FBXO30: variants seen among roughly 807,000 people sequenced by gnomAD.
FBXO30 encodes F-box protein 30.
In FBXO30, 21 loss-of-function variants were observed where a neutral mutation model predicts 58.1. The observed-to-expected ratio is 0.36, with a 90% CI of 0.26 to 0.52. The LOEUF (loss-of-function observed/expected upper bound fraction) is 0.52. Among genes scored for constraint, FBXO30 ranks in the 20% least tolerant of loss-of-function variants. The pLI is 0.93. For missense variants in FBXO30, 744 were observed against 897.3 expected (o/e 0.83, Z 2.18); for synonymous variants, 309 against 312.4 (o/e 0.99, Z 0.11).
intron 1 of FBXO30, among the ~76,000 whole-genome samples, chr6:145,809,274 A>C (rs928678586): frequency 4.6e-5 from 7 of 152,358 alleles, no homozygotes; most frequent in Non-Finnish European, 1.0e-4. Context: ...TTACTGAGTG[A>C]TTAGACTGTG....
At chr6:145,812,712 C>G (rs1778365667) in intron 1 of FBXO30, among the ~76,000 whole-genome samples, 1 of 152,088 alleles carries the variant, frequency 6.6e-6, no homozygotes, top group Admixed American at 6.6e-5. Context: ...ATATGAAGAA[C>G]TACCTAGTAA....
chr6:145,813,757 A>C (rs1359889173), intron 1 of FBXO30, among the ~76,000 whole-genome samples: 1 of 152,236 alleles, frequency 6.6e-6, no homozygotes, highest in African/African-American at 2.4e-5. Context: ...GATCAGAGTC[A>C]ACGAAGTAAT....
Position 145,800,189 on chromosome 6 carries a change from T to C in FBXO30, c.2155A>G (p.Ile719Val), listed in dbSNP as rs369169727. The C allele has an allele frequency of 3.0e-5, 48 of 1,613,026 alleles. No individual in the cohort carries two copies. Among genetic ancestry groups the C allele is most frequent in the Non-Finnish European group, 4.0e-5 (47 of 1,179,350 alleles). Residue 719 changes from isoleucine (I) to valine (V), a missense_variant, in exon 3 of 3, where the codon ATC becomes GTC. By Grantham distance (29) the Ile-to-Val change is conservative (BLOSUM62 3). Transcript: ENST00000237281. The part of the protein sequence containing the change: ...YNVVEKREEA[I>V]PLPCMCVTRE... ...GTCACACACATACATGGCAAAGGGA[T>C]TGCTTCCTCCCGTTTCTCGACAACA...
Position 145,800,015 on chromosome 6 carries a change from G to C in FBXO30, c.*91C>G. 1 of 902,060 alleles carries C rather than the reference G, an allele frequency of 1.1e-6. No homozygotes were observed. Among genetic ancestry groups the C allele is most frequent in the South Asian group, 1.6e-5 (1 of 61,234 alleles). 55.9% of individuals were successfully genotyped at this position (902,060 alleles called of 1,614,324 possible). A position where few individuals can be genotyped will look rare whatever the true frequency, so the allele number is the denominator to read the frequency against. On this transcript the variant is annotated 3_prime_UTR_variant, in exon 3 of 3. Transcript: ENST00000237281. Reference sequence around the variant, plus strand: ...TACACAGTGACAATAAATTTAGCTAGTTGTAATATTTAATACATTAATAAA... The same window carrying C: ...TACACAGTGACAATAAATTTAGCTACTTGTAATATTTAATACATTAATAAA...
chr6:145,814,361 G>T, intron 1 of FBXO30, among the ~76,000 whole-genome samples: 1 of 152,152 alleles, frequency 6.6e-6, no homozygotes. Flanking sequence ...GGCCCGGCAT[G>T]CGGCCCGGCG....
rs754447064 is a variant in FBXO30, at chr6:145,806,299, A to G, written c.107T>C (p.Val36Ala). 1.2e-6 allele frequency: 2 copies of G among 1,613,894 alleles called. No homozygotes were observed. The highest frequency in any genetic ancestry group is 8.5e-7 in the Non-Finnish European group (1 of 1,179,926). The change falls in exon 2 of 3, where the codon GTT becomes GCT. Residue 36 changes from valine (V) to alanine (A), a missense_variant. By Grantham distance (64) the Val-to-Ala change is moderately conservative (BLOSUM62 0). Around this residue, in one of 3 missense-constraint regions of FBXO30, gnomAD observed 135 missense variants for 201.6 expected, o/e 0.67. Coordinates refer to ENST00000237281, the MANE Select transcript of FBXO30 (RefSeq NM_032145.5). ...ACAAGAATGGAAAACTGCACCACAAACCAATGGACAACCAATCAAATCACA... is the reference window on the plus strand; with the variant it reads ...ACAAGAATGGAAAACTGCACCACAAGCCAATGGACAACCAATCAAATCACA... ...ISCDLIGCPL[V>A]CGAVFHSCKA...
Position 145,793,658 on chromosome 6 carries a change from T to C in FBXO30, c.*6448A>G, listed in dbSNP as rs1396149178. 6.6e-6 allele frequency: 1 copy of C among 152,020 alleles called. No homozygotes were observed. The highest frequency in any genetic ancestry group is 1.5e-5 in the Non-Finnish European group (1 of 67,916). 9.4% of individuals were successfully genotyped at this position (152,020 alleles called of 1,614,324 possible). ...AAAAACACATCTTTAAAAAGCGTGA[T>C]TGGGATGTGCCACAAGGAATCATAA... On this transcript the variant is annotated 3_prime_UTR_variant, in exon 3 of 3. Transcript: ENST00000237281.
intron 1 of FBXO30, among the ~76,000 whole-genome samples, chr6:145,811,080 C>T (rs1025470191): frequency 6.6e-6 from 1 of 152,120 alleles, no homozygotes; most frequent in African/African-American, 2.4e-5. Context: ...TATCTATTTC[C>T]ACAGGAAAGC....
At chr6:145,804,255 G>A (rs1038357087) in intron 2 of FBXO30, 117 bp downstream of exon 2, 2 of 864,796 alleles carry the variant, frequency 2.3e-6, no homozygotes, top group Non-Finnish European at 3.5e-6. Context: ...TCATCACACT[G>A]ATTTAGTAAG....
chr6:145,797,999 A>C lies in FBXO30; in HGVS notation c.*2107T>G, dbSNP rs535008318. ...TTCGAGACACTGAAGGATCAGAGAA[A>C]GCTAACTAATGCGTGTCTCAAATTT... On this transcript the variant is annotated 3_prime_UTR_variant, in exon 3 of 3. Transcript: ENST00000237281. The C allele has an allele frequency of 1.3e-5, 2 of 152,042 alleles. No individual in the cohort carries two copies. The highest frequency in any genetic ancestry group is 2.4e-5 in the African/African-American group (1 of 41,418). 9.4% of individuals were successfully genotyped at this position (152,042 alleles called of 1,614,324 possible).
At position 145,794,064 on chromosome 6, in the gene FBXO30, T is replaced by C. The variant is rs1251903437; in HGVS notation, c.*6042A>G. 1 of 152,010 alleles carries C rather than the reference T, an allele frequency of 6.6e-6. No homozygotes were observed. The highest frequency in any genetic ancestry group is 2.4e-5 in the African/African-American group (1 of 41,432). 9.4% of individuals were successfully genotyped at this position (152,010 alleles called of 1,614,324 possible). On this transcript the variant is annotated 3_prime_UTR_variant, in exon 3 of 3. Transcript: ENST00000237281. ...TCACAATGTGCAACTATCCCCACTA[T>C]CTTGTTCTACAATATTTTCATCAAT... is the stretch of plus-strand genomic sequence containing the variant.
chr6:145,806,481 T>C (rs1778172487), intron 1 of FBXO30, 60 bp from the exon 2 acceptor site: 2 of 1,285,556 alleles, frequency 1.6e-6, no homozygotes, highest in African/African-American at 1.5e-5. Flanking sequence ...TTTTTCAAAA[T>C]TGTTTAATAA....
Position 145,805,529 on chromosome 6 carries a change from A to C in FBXO30, c.877T>G (p.Cys293Gly). The C allele has an allele frequency of 6.2e-7, 1 of 1,606,846 alleles. No homozygotes were observed. The change falls in exon 2 of 3, where the codon TGT (cysteine) becomes GGT (glycine). Residue 293 changes from cysteine (C) to glycine (G), a missense_variant. Coordinates refer to ENST00000237281, the MANE Select transcript of FBXO30 (RefSeq NM_032145.5). ...TGATTCTGGTCTATGACCTGGGTAC[A>C]TATATTTTCCAAAGGAAAGCCATTA... Reference protein sequence around the residue: ...LCNGFPLENICTQVIDQNQNL... With the variant: ...LCNGFPLENIGTQVIDQNQNL...
chr6:145,805,863 T>C lies in FBXO30; in HGVS notation c.543A>G (p.Ala181=). The C allele has an allele frequency of 1.9e-6, 3 of 1,614,048 alleles. No individual in the cohort carries two copies. The highest frequency in any genetic ancestry group is 2.5e-6 in the Non-Finnish European group (3 of 1,179,992). ...LVSVDEESYG[A]LYQATVETTR... is the part of the protein sequence containing the mutation. Reference sequence around the variant, plus strand: ...TTGTTTCTACAGTAGCTTGATAAAGTGCACCATAAGATTCTTCATCAACAG... The same window carrying C: ...TTGTTTCTACAGTAGCTTGATAAAGCGCACCATAAGATTCTTCATCAACAG... Residue 181 remains alanine, a synonymous_variant, in exon 2 of 3, where the codon GCA becomes GCG. Coordinates refer to ENST00000237281, the MANE Select transcript of FBXO30 (RefSeq NM_032145.5).
At chr6:145,813,526 A>G (rs1321583183) in intron 1 of FBXO30, among the ~76,000 whole-genome samples, 2 of 152,098 alleles carry the variant, frequency 1.3e-5, no homozygotes, top group Admixed American at 6.5e-5. Flanking sequence ...ATTTTATGCT[A>G]CTCTTTTCCT....
At chr6:145,807,709 T>C (rs1778217309) in intron 1 of FBXO30, among the ~76,000 whole-genome samples, 1 of 152,216 alleles carries the variant, frequency 6.6e-6, no homozygotes, top group South Asian at 2.1e-4. Flanking sequence ...AAAATAAAAG[T>C]CTAACCATAA....
Position 145,798,500 on chromosome 6 carries a change from ATC to A in FBXO30, c.*1604_*1605del, listed in dbSNP as rs1777910406. The stretch of plus-strand genomic sequence containing the variant: ...AGAGTTACATTTTATGGTATTTAAT[ATC>A]TCTTTTCTGTTGTTTTTTCCACAGA... On this transcript the variant is annotated 3_prime_UTR_variant, in exon 3 of 3. Coordinates refer to ENST00000237281, the MANE Select transcript of FBXO30 (RefSeq NM_032145.5). 6.6e-6 allele frequency: 1 copy of A among 152,488 alleles called. No individual in the cohort carries two copies. Among genetic ancestry groups the A allele is most frequent in the Admixed American group, 6.6e-5 (1 of 15,226 alleles). 9.4% of individuals were successfully genotyped at this position (152,488 alleles called of 1,614,324 possible). A position where few individuals can be genotyped will look rare whatever the true frequency, so the allele number is the denominator to read the frequency against.
Position 145,813,702 on chromosome 6 carries a change from TTAATC to T in FBXO30, c.-17+896_-17+900del, listed in dbSNP as rs201098914. Among the ~76,000 whole-genome samples, 949 of 151,996 alleles carry T rather than the reference TTAATC, an allele frequency of 6.2e-3. 14 individuals carry two copies. The highest frequency in any genetic ancestry group is 0.022 in the African/African-American group (900 of 41,438). ...GGATTTTGTATTAAAAGATTTTAAATTAATCTACACCGATATCAGAATGCCCATAA... is the reference window on the plus strand; with the variant it reads ...GGATTTTGTATTAAAAGATTTTAAATTACACCGATATCAGAATGCCCATAA... On this transcript the variant is annotated intron_variant, in intron 1 of 2. Coordinates refer to ENST00000237281, the MANE Select transcript of FBXO30 (RefSeq NM_032145.5).
At chr6:145,814,249 C>T (rs907500128) in intron 1 of FBXO30, among the ~76,000 whole-genome samples, 1 of 152,218 alleles carries the variant, frequency 6.6e-6, no homozygotes, top group African/African-American at 2.4e-5. Flanking sequence ...CTAAGTTTAA[C>T]TCCTCCTTCG....
Sources: allele counts gnomAD v4.1 joint callset (sites outside exome capture counted in the v4.1 genomes callset), GRCh38; gene constraint gnomAD v4.1.1; regional missense constraint gnomAD v4.1.1; transcripts MANE v1.5; gene names NCBI Gene and HGNC (gene_info 2026-07-23, HGNC 2026-07-21).